SLC44A1: variants seen among roughly 807,000 people sequenced by gnomAD.
SLC44A1 encodes the protein choline transporter-like protein 1.
SLC44A1 carries 26 observed loss-of-function variants against 79.3 expected under a neutral mutation model. That is an observed-to-expected ratio of 0.33 (90% CI 0.24 to 0.46). SLC44A1 has a LOEUF of 0.46. Ranked by LOEUF, SLC44A1 falls within the 20% of genes least tolerant of loss-of-function variation. The pLI, the probability that SLC44A1 is intolerant of heterozygous loss-of-function variation, is 1.00. For synonymous variants in SLC44A1, 263 were observed against 286.2 expected (o/e 0.92, Z 0.82); for missense variants, 688 against 798.1 (o/e 0.86, Z 1.66).
intron 5 of SLC44A1, among the ~76,000 whole-genome samples, chr9:105,354,039 CTTTTTTTTTT>C (rs556502972): frequency 9.1e-5 from 9 of 98,484 alleles, no homozygotes; most frequent in South Asian, 6.5e-4. Flanking sequence ...ACAGTTAATC[CTTTTTTTTTT>C]TTTTTTTTTT....
intron 15 of SLC44A1, among the ~76,000 whole-genome samples, chr9:105,414,531 G>A (rs755936548): frequency 4.6e-5 from 7 of 151,702 alleles, no homozygotes; most frequent in Non-Finnish European, 1.0e-4. Flanking sequence ...CTTTTTTTAC[G>A]ACTAGAATTT....
At chr9:105,302,767 C>G (rs1830914476) in intron 2 of SLC44A1, among the ~76,000 whole-genome samples, 1 of 151,772 alleles carries the variant, frequency 6.6e-6, no homozygotes, top group South Asian at 2.1e-4. Context: ...TTGAGACCCA[C>G]TATTATAGGC....
In SLC44A1 at chr9:105,361,467, A is replaced by G. The variant is rs1827778360; in HGVS notation, c.900+137A>G. ...AGATAATATCTCTGTGCCATAGTGT[A>G]TGAAACACTAAAAAGTCTCTTGAAG... On this transcript the variant is annotated intron_variant, in intron 8 of 15. Coordinates refer to ENST00000374720, the MANE Select transcript of SLC44A1 (RefSeq NM_080546.5). 8 of 809,390 alleles carry G rather than the reference A, an allele frequency of 9.9e-6. No homozygotes were observed. In the South Asian group the frequency reaches 1.5e-4, roughly 15 times the overall value. The allele number at this position is 809,390 out of a possible 1,614,324, so 50.1% of individuals were successfully genotyped here.
chr9:105,339,245 T>G (rs1019987392), intron 4 of SLC44A1, among the ~76,000 whole-genome samples: 2 of 151,334 alleles, frequency 1.3e-5, no homozygotes, highest in Non-Finnish European at 2.9e-5. Flanking sequence ...AAAAAAACAC[T>G]GAAAATCACA....
At chr9:105,279,841 A>C (rs1462374987) in intron 1 of SLC44A1, among the ~76,000 whole-genome samples, 1 of 152,216 alleles carries the variant, frequency 6.6e-6, no homozygotes. Flanking sequence ...AATCAACTAA[A>C]AATTACAAGT....
chr9:105,265,940 G>GCT (rs1189329789), intron 1 of SLC44A1, among the ~76,000 whole-genome samples: 2 of 149,354 alleles, frequency 1.3e-5, no homozygotes, highest in African/African-American at 2.5e-5. Flanking sequence ...TCGAATTATT[G>GCT]CTCTCTCTCT....
intron 15 of SLC44A1, among the ~76,000 whole-genome samples, chr9:105,437,692 C>G (rs1401692273): frequency 6.6e-6 from 1 of 152,142 alleles, no homozygotes; most frequent in Non-Finnish European, 1.5e-5. Context: ...TTGAACCAAA[C>G]TATTAGAACA....
intron 4 of SLC44A1, among the ~76,000 whole-genome samples, chr9:105,340,667 G>T (rs1320650931): frequency 1.3e-5 from 2 of 152,186 alleles, no homozygotes; most frequent in African/African-American, 4.8e-5. Context: ...TTACTAGAAT[G>T]AGAAGATAAT....
intron 13 of SLC44A1, among the ~76,000 whole-genome samples, chr9:105,381,565 A>G (rs1456024882): frequency 6.6e-6 from 1 of 152,042 alleles, no homozygotes; most frequent in African/African-American, 2.4e-5. Flanking sequence ...AAAAAGAAGA[A>G]AAAGAAAAGA....
At chr9:105,251,302 C>T (rs898049002) in intron 1 of SLC44A1, among the ~76,000 whole-genome samples, 2 of 152,160 alleles carry the variant, frequency 1.3e-5, no homozygotes, top group Non-Finnish European at 2.9e-5. Flanking sequence ...GAACCTGCCT[C>T]TCACTCTTCT....
intron 1 of SLC44A1, among the ~76,000 whole-genome samples, chr9:105,265,260 C>T (rs2131219883): frequency 6.6e-6 from 1 of 152,310 alleles, no homozygotes; most frequent in African/African-American, 2.4e-5. Context: ...AGATACAGAA[C>T]AGTTCTCACT....
chr9:105,424,107 T>A (rs117432520), intron 15 of SLC44A1, among the ~76,000 whole-genome samples: 2,572 of 152,322 alleles, frequency 0.017, 31 homozygotes, highest in Middle Eastern at 0.048. Flanking sequence ...GAGTTAATTT[T>A]GATTAGATGC....
At chr9:105,316,170 GACA>G (rs1831319246) in intron 3 of SLC44A1, among the ~76,000 whole-genome samples, 1 of 151,922 alleles carries the variant, frequency 6.6e-6, no homozygotes, top group East Asian at 1.9e-4. Context: ...GTTTTGTGGA[GACA>G]ACAATAAAAT....
chr9:105,280,352 T>C (rs921398369), intron 1 of SLC44A1, among the ~76,000 whole-genome samples: 1 of 152,224 alleles, frequency 6.6e-6, no homozygotes, highest in African/African-American at 2.4e-5. Context: ...AGGATAACTT[T>C]ACTCACCTGT....
chr9:105,368,999 T>C (rs1828023338), intron 12 of SLC44A1, among the ~76,000 whole-genome samples: 1 of 152,130 alleles, frequency 6.6e-6, no homozygotes, highest in Non-Finnish European at 1.5e-5. Context: ...GATTGAGCCA[T>C]TGCATTCCAG....
At chr9:105,374,946 C>T (rs954736798) in intron 13 of SLC44A1, among the ~76,000 whole-genome samples, 3 of 152,090 alleles carry the variant, frequency 2.0e-5, no homozygotes, top group African/African-American at 7.2e-5. Flanking sequence ...AGGTAAGTTC[C>T]ATTATTATCC....
chr9:105,358,548 CTGT>C, intron 7 of SLC44A1, 115 bp downstream of exon 7: 2 of 665,996 alleles, frequency 3.0e-6, no homozygotes, highest in Non-Finnish European at 5.2e-6. Flanking sequence ...TCAAGGAAGA[CTGT>C]TAATTTTTGC....
chr9:105,358,201 A>T lies in SLC44A1; in HGVS notation c.671-143A>T, dbSNP rs983433618. 3.7e-5 allele frequency: 21 copies of T among 573,614 alleles called. 1 individual carries two copies. The highest frequency in any genetic ancestry group is 2.3e-4 in the Admixed American group (7 of 30,534). 35.5% of individuals were successfully genotyped at this position (573,614 alleles called of 1,614,324 possible). A position where few individuals can be genotyped will look rare whatever the true frequency, so the allele number is the denominator to read the frequency against. On this transcript the variant is annotated intron_variant, in intron 6 of 15. Coordinates refer to ENST00000374720, the MANE Select transcript of SLC44A1 (RefSeq NM_080546.5). Reference sequence around the variant, plus strand: ...AGGTAGCAGAGTCAAATACAACAGCAGCTAGTTTCCTTCCTTATCTAAATT... The same window carrying T: ...AGGTAGCAGAGTCAAATACAACAGCTGCTAGTTTCCTTCCTTATCTAAATT...
At chr9:105,434,191 T>G (rs1829435143) in intron 15 of SLC44A1, among the ~76,000 whole-genome samples, 1 of 151,990 alleles carries the variant, frequency 6.6e-6, no homozygotes, top group South Asian at 2.1e-4. Flanking sequence ...AATACAAAAA[T>G]TAGCTGGGCA....
Sources: allele counts gnomAD v4.1 joint callset (sites outside exome capture counted in the v4.1 genomes callset), GRCh38; gene constraint gnomAD v4.1.1; transcripts MANE v1.5; gene names NCBI Gene and HGNC (gene_info 2026-07-23, HGNC 2026-07-21).